Variants in COLEC10 observed in about 807,000 individuals in gnomAD.
COLEC10 encodes collectin subfamily member 10, also known as collectin-10.
Under a neutral mutation model 28.4 loss-of-function variants are expected in COLEC10, and 22 were observed. That is an observed-to-expected ratio of 0.78 (90% CI 0.55 to 1.11). The LOEUF (loss-of-function observed/expected upper bound fraction) is 1.11, where lower values mean the gene tolerates loss of function less well. Among genes scored for constraint, COLEC10 ranks in the 50% least tolerant of loss-of-function variants. COLEC10 has a pLI of 0.00. For missense variants in COLEC10, 361 were observed against 344.1 expected (o/e 1.05, Z -0.39); for synonymous variants, 125 against 116.1 (o/e 1.08, Z -0.49).
At chr8:119,018,262 C>A (rs1814029353) in intron 2 of COLEC10, among the ~76,000 whole-genome samples, 1 of 152,158 alleles carries the variant, frequency 6.6e-6, no homozygotes, top group African/African-American at 2.4e-5. Flanking sequence ...CAGACTTCTC[C>A]TTTTTCTTCT....
chr8:119,002,399 A>G (rs1398946777), intron 1 of COLEC10, among the ~76,000 whole-genome samples: 1 of 152,170 alleles, frequency 6.6e-6, no homozygotes, highest in Non-Finnish European at 1.5e-5. Context: ...GATTATTAAA[A>G]GCTAGGTTTC....
At chr8:119,047,921 A>G (rs946448338) in intron 2 of COLEC10, among the ~76,000 whole-genome samples, 6 of 152,202 alleles carry the variant, frequency 3.9e-5, no homozygotes, top group African/African-American at 1.4e-4. Flanking sequence ...ATCCTTGGGT[A>G]CTCAATCATC....
intron 1 of COLEC10, among the ~76,000 whole-genome samples, chr8:119,076,963 T>G (rs1815251558): frequency 6.6e-6 from 1 of 152,172 alleles, no homozygotes; most frequent in African/African-American, 2.4e-5. Flanking sequence ...GGGGGGACTT[T>G]GATACACCAT....
intron 1 of COLEC10, among the ~76,000 whole-genome samples, chr8:119,000,278 T>A (rs1009590386): frequency 1.3e-5 from 2 of 151,938 alleles, no homozygotes; most frequent in African/African-American, 4.8e-5. Context: ...AAGTCGGACA[T>A]CAGAAAAAGG....
intron 1 of COLEC10, among the ~76,000 whole-genome samples, chr8:119,085,256 T>C (rs1409784183): frequency 6.6e-6 from 1 of 152,110 alleles, no homozygotes; most frequent in Non-Finnish European, 1.5e-5. Context: ...AAGGGAATGA[T>C]AAAATGGATG....
chr8:119,105,810 G>A lies in COLEC10; in HGVS notation c.453G>A (p.Gly151=), dbSNP rs1442825137. ...SMKFVKNVIA[G]IRETEEKFYY... ...TTTCTCTCCCTGCAGTGATAGCAGG[G>A]ATTAGGGAAACTGAAGAGAAATTCT... The change falls in exon 6 of 6, where the codon GGG becomes GGA. Residue 151 remains glycine, a synonymous_variant. Transcript: ENST00000332843. The A allele has an allele frequency of 6.2e-7, 1 of 1,611,608 alleles. No individual in the cohort carries two copies. The highest frequency in any genetic ancestry group is 1.3e-5 in the African/African-American group (1 of 74,860).
chr8:119,039,364 C>T (rs1814453009), intron 2 of COLEC10, among the ~76,000 whole-genome samples: 1 of 152,164 alleles, frequency 6.6e-6, no homozygotes, highest in South Asian at 2.1e-4. Flanking sequence ...TGCACTTCCC[C>T]TACTTTAAAG....
upstream of COLEC10, among the ~76,000 whole-genome samples, chr8:118,990,947 C>T (rs1813495653): frequency 6.6e-6 from 1 of 151,496 alleles, no homozygotes; most frequent in Non-Finnish European, 1.5e-5. Flanking sequence ...ATACTTAGTA[C>T]TCTTTCTTTT....
chr8:119,084,836 T>C lies in COLEC10; in HGVS notation c.149-4844T>C, dbSNP rs572559960. On this transcript the variant is annotated intron_variant, in intron 1 of 5. Coordinates refer to ENST00000332843, the MANE Select transcript of COLEC10 (RefSeq NM_006438.5). ...AATCTCAGTAATGGGTTTTTATCTT[T>C]AATTATGTGAAAAGTTTTACAATAA... Among the ~76,000 whole-genome samples the C allele has an allele frequency of 1.1e-4, 17 of 152,310 alleles. No individual in the cohort carries two copies. The South Asian group carries it at 3.5e-3, about 32-fold the overall frequency.
At chr8:118,980,601 G>A in the COLEC10 span, among the ~76,000 whole-genome samples, 1 of 151,900 alleles carries the variant, frequency 6.6e-6, no homozygotes, top group African/African-American at 2.4e-5. Flanking sequence ...AGTAGCAATT[G>A]ATTTTTTTAA....
intron 1 of COLEC10, among the ~76,000 whole-genome samples, chr8:119,085,599 C>CTTTTTTTTTT (rs66829005): frequency 7.1e-4 from 45 of 63,568 alleles, no homozygotes; most frequent in Admixed American, 1.9e-3. Flanking sequence ...TCTTCTTCTT[C>CTTTTTTTTTT]TTTTTTTTTT....
At chr8:119,060,395 G>T (rs537889724) in intron 2 of COLEC10, among the ~76,000 whole-genome samples, 6 of 152,172 alleles carry the variant, frequency 3.9e-5, no homozygotes, top group African/African-American at 1.4e-4. Context: ...GGCAAAATGA[G>T]GCTGAAAAGG....
At chr8:119,043,695 T>G (rs561709829) in intron 2 of COLEC10, among the ~76,000 whole-genome samples, 1 of 152,352 alleles carries the variant, frequency 6.6e-6, no homozygotes, top group Admixed American at 6.5e-5. Context: ...ATTTTTTTCT[T>G]ATAGTTGGAA....
chr8:118,970,077 T>G, the COLEC10 span, among the ~76,000 whole-genome samples: 1 of 152,070 alleles, frequency 6.6e-6, no homozygotes, highest in Non-Finnish European at 1.5e-5. Context: ...ATAGAATCAT[T>G]TTGTTATAAA....
At chr8:119,067,150 C>T, upstream of COLEC10, 1 of 844,814 alleles carries the variant, frequency 1.2e-6, no homozygotes, top group South Asian at 1.8e-5. Flanking sequence ...ATGCTTCCTT[C>T]CTGTCTCTGT....
chr8:118,973,535 G>A, the COLEC10 span, among the ~76,000 whole-genome samples: 7 of 151,932 alleles, frequency 4.6e-5, no homozygotes, highest in South Asian at 2.1e-4. Context: ...TTGCTTCATC[G>A]AAGTACACAA....
chr8:118,956,790 C>T, the COLEC10 span, among the ~76,000 whole-genome samples: 1 of 152,166 alleles, frequency 6.6e-6, no homozygotes. Flanking sequence ...TTCAGAAATG[C>T]TCCCCACTTC....
intron 2 of COLEC10, among the ~76,000 whole-genome samples, chr8:119,047,995 T>C (rs552638088): frequency 6.6e-6 from 1 of 152,246 alleles, no homozygotes; most frequent in Non-Finnish European, 1.5e-5. Flanking sequence ...TAAGAGTATT[T>C]GAAAAGTTGG....
chr8:119,081,182 G>T (rs868343181), intron 1 of COLEC10, among the ~76,000 whole-genome samples: 5 of 152,056 alleles, frequency 3.3e-5, no homozygotes, highest in African/African-American at 1.2e-4. Context: ...CAGAAATGTT[G>T]TAGCAATTTA....
Sources: allele counts gnomAD v4.1 joint callset (sites outside exome capture counted in the v4.1 genomes callset), GRCh38; gene constraint gnomAD v4.1.1; transcripts MANE v1.5; gene names NCBI Gene and HGNC (gene_info 2026-07-23, HGNC 2026-07-21).